The following ANKRD44 variants were observed in gnomAD, a reference collection of about 807,000 sequenced individuals.
The protein encoded by ANKRD44 is serine/threonine-protein phosphatase 6 regulatory ankyrin repeat subunit B.
ANKRD44 carries 35 observed loss-of-function variants against 116.0 expected under a neutral mutation model. That is an observed-to-expected ratio of 0.30 (90% CI 0.23 to 0.40). The LOEUF (loss-of-function observed/expected upper bound fraction) is 0.40. Ranked by LOEUF, ANKRD44 falls within the 10% of genes least tolerant of loss-of-function variation. ANKRD44 has a pLI of 1.00. For missense variants in ANKRD44, 1,014 were observed against 1,242.6 expected (o/e 0.82, Z 2.77); for synonymous variants, 435 against 461.8 (o/e 0.94, Z 0.74).
chr2:197,233,030 C>T (rs1480950217), intron 1 of ANKRD44, among the ~76,000 whole-genome samples: 1 of 152,184 alleles, frequency 6.6e-6, no homozygotes, highest in Non-Finnish European at 1.5e-5. Context: ...AAACTGGTAA[C>T]TGTACAAAAT....
intron 10 of ANKRD44, among the ~76,000 whole-genome samples, chr2:197,094,259 C>T (rs1219971904): frequency 2.0e-5 from 3 of 152,162 alleles, no homozygotes; most frequent in African/African-American, 7.2e-5. Flanking sequence ...CTCATTTTGC[C>T]ACTTGCTATC....
intron 16 of ANKRD44, among the ~76,000 whole-genome samples, chr2:197,032,346 T>C (rs566622860): frequency 2.1e-4 from 32 of 151,852 alleles, no homozygotes; most frequent in Non-Finnish European, 4.4e-5. Context: ...TGAGAACTCA[T>C]AGTGGCCTGA....
intron 2 of ANKRD44, among the ~76,000 whole-genome samples, chr2:197,153,125 T>C (rs2079698431): frequency 6.9e-6 from 1 of 145,678 alleles, no homozygotes; most frequent in Admixed American, 7.1e-5. Flanking sequence ...GAGGATTGCT[T>C]GAGCCCAGAA....
At chr2:197,285,035 A>G (rs1017641625) in intron 1 of ANKRD44, among the ~76,000 whole-genome samples, 6 of 151,766 alleles carry the variant, frequency 4.0e-5, no homozygotes, top group African/African-American at 1.2e-4. Flanking sequence ...TCATAGCCCA[A>G]TTTTGTGGCA....
At chr2:197,160,382 T>TG (rs1559113876) in intron 2 of ANKRD44, among the ~76,000 whole-genome samples, 1 of 152,122 alleles carries the variant, frequency 6.6e-6, no homozygotes. Flanking sequence ...AGACAGATCC[T>TG]GGGGGGAACA....
intron 1 of ANKRD44, among the ~76,000 whole-genome samples, chr2:197,261,381 T>C (rs1159976178): frequency 6.6e-6 from 1 of 151,984 alleles, no homozygotes; most frequent in Admixed American, 6.6e-5. Context: ...AAAGACCAGA[T>C]AGTTGTAGAT....
At chr2:197,198,288 A>C (rs1325157276) in intron 1 of ANKRD44, among the ~76,000 whole-genome samples, 1 of 152,154 alleles carries the variant, frequency 6.6e-6, no homozygotes, top group African/African-American at 2.4e-5. Flanking sequence ...CTGGGGGAGC[A>C]GTGGGTGGTT....
At chr2:197,169,227 A>T (rs947636038) in intron 2 of ANKRD44, among the ~76,000 whole-genome samples, 2 of 151,702 alleles carry the variant, frequency 1.3e-5, no homozygotes, top group South Asian at 4.2e-4. Flanking sequence ...CAATCTTCTC[A>T]TGGCCCCCAA....
chr2:197,285,484 C>T (rs960712541), intron 1 of ANKRD44, among the ~76,000 whole-genome samples: 7 of 152,152 alleles, frequency 4.6e-5, no homozygotes, highest in East Asian at 3.9e-4. Flanking sequence ...TTCTAGTTGA[C>T]GCTGAAGCCT....
intron 18 of ANKRD44, among the ~76,000 whole-genome samples, chr2:197,012,353 T>G (rs549611770): frequency 6.6e-6 from 1 of 151,796 alleles, no homozygotes; most frequent in East Asian, 1.9e-4. Context: ...CCTTTGTAAT[T>G]GTCAGGAATT....
chr2:197,136,650 T>C lies in ANKRD44; in HGVS notation c.203A>G (p.Asn68Ser). Residue 68 changes from asparagine to serine, a missense_variant, in exon 4 of 28, where the codon AAT (asparagine) becomes AGT (serine). By Grantham distance (46) the Asn-to-Ser change is conservative. Coordinates refer to ENST00000282272, the MANE Select transcript of ANKRD44 (RefSeq NM_001195144.2). ...AGTCAGCCACATGTTGTCCTTGGCA[T>C]TTACACGAGCTCCTGGAATCAAACA... ...ELLILSGARV[N>S]AKDNMWLTPL... 6.2e-7 allele frequency: 1 copy of C among 1,614,152 alleles called. No individual in the cohort carries two copies. Among genetic ancestry groups the C allele is most frequent in the Non-Finnish European group, 8.5e-7 (1 of 1,180,012 alleles).
chr2:197,228,862 C>T (rs542938231), intron 1 of ANKRD44, among the ~76,000 whole-genome samples: 7 of 152,304 alleles, frequency 4.6e-5, no homozygotes, highest in African/African-American at 1.7e-4. Flanking sequence ...ATGGTGAAAC[C>T]CTGTCTCTAC....
At chr2:197,137,672 A>G (rs1455404650) in intron 3 of ANKRD44, among the ~76,000 whole-genome samples, 1 of 152,220 alleles carries the variant, frequency 6.6e-6, no homozygotes, top group African/African-American at 2.4e-5. Context: ...AAACAAGAAC[A>G]TAATCCCTAA....
At chr2:197,223,818 GT>G (rs1299015120) in intron 1 of ANKRD44, among the ~76,000 whole-genome samples, 1 of 152,152 alleles carries the variant, frequency 6.6e-6, no homozygotes, top group African/African-American at 2.4e-5. Flanking sequence ...AGATTTTAAT[GT>G]TTGTAATTTG....
chr2:197,181,845 G>A (rs1049654678), intron 2 of ANKRD44, among the ~76,000 whole-genome samples: 1 of 152,170 alleles, frequency 6.6e-6, no homozygotes. Flanking sequence ...GACAAGCCTA[G>A]TCTAGTTCCG....
intron 16 of ANKRD44, among the ~76,000 whole-genome samples, chr2:197,063,779 G>A (rs1428851967): frequency 6.6e-6 from 1 of 152,150 alleles, no homozygotes; most frequent in Non-Finnish European, 1.5e-5. Context: ...AACGAACAAA[G>A]CCTCCAAGAA....
At chr2:197,258,270 CTTTTT>C (rs71395680) in intron 1 of ANKRD44, among the ~76,000 whole-genome samples, 2 of 79,222 alleles carry the variant, frequency 2.5e-5, no homozygotes, top group African/African-American at 6.2e-5. Flanking sequence ...TTGGCTAATC[CTTTTT>C]TTTTTTTTTT....
chr2:196,983,388 T>G (rs1293158872), downstream of ANKRD44, among the ~76,000 whole-genome samples: 2 of 152,166 alleles, frequency 1.3e-5, no homozygotes, highest in Non-Finnish European at 2.9e-5. Context: ...CCAGCCACAC[T>G]GGCCCCATTT....
At chr2:197,250,482 G>A (rs756298881) in intron 1 of ANKRD44, among the ~76,000 whole-genome samples, 14 of 147,728 alleles carry the variant, frequency 9.5e-5, no homozygotes, top group Non-Finnish European at 1.5e-4. Context: ...CATTCATCCC[G>A]AGGCTGGCCA....
Sources: allele counts gnomAD v4.1 joint callset (sites outside exome capture counted in the v4.1 genomes callset), GRCh38; gene constraint gnomAD v4.1.1; transcripts MANE v1.5; gene names NCBI Gene and HGNC (gene_info 2026-07-23, HGNC 2026-07-21).